The following CMPK1 variants were observed in gnomAD, a reference collection of about 807,000 sequenced individuals.
The protein encoded by CMPK1 is UMP-CMP kinase.
A neutral mutation model predicts 25.7 loss-of-function variants in CMPK1; 10 were observed. The ratio of observed to expected loss-of-function variants is 0.39; its 90% CI spans 0.24 to 0.66. The LOEUF is 0.66. Ranked by LOEUF, CMPK1 falls within the 30% of genes least tolerant of loss-of-function variation. CMPK1 has a pLI of 0.48. For missense variants in CMPK1, 199 were observed against 280.5 expected (o/e 0.71, Z 2.08); for synonymous variants, 106 against 101.5 (o/e 1.04, Z -0.27).
At chr1:47,337,288 A>C (rs1174766819) in intron 1 of CMPK1, among the ~76,000 whole-genome samples, 1 of 151,804 alleles carries the variant, frequency 6.6e-6, no homozygotes, top group African/African-American at 2.4e-5. Context: ...ATCTCAAAAA[A>C]ATAAAATAAA....
In CMPK1 at chr1:47,370,747, G is replaced by A. The variant is rs1162034565; in HGVS notation, c.318+2132G>A. On this transcript the variant is annotated intron_variant, in intron 2 of 5. Coordinates refer to ENST00000371873, the MANE Select transcript of CMPK1 (RefSeq NM_016308.3). The stretch of plus-strand genomic sequence containing the variant: ...AGGTCAGGAGTTCAAGACCAACATG[G>A]CCAACATGGTGAAACCCCATCTCTA... 2.1e-5 allele frequency among the ~76,000 whole-genome samples: 3 copies of A among 144,954 alleles called. No individual in the cohort carries two copies. In the Admixed American group the frequency reaches 2.2e-4, roughly 10 times the overall value.
At chr1:47,353,167 T>C (rs1473783971) in intron 1 of CMPK1, among the ~76,000 whole-genome samples, 1 of 152,244 alleles carries the variant, frequency 6.6e-6, no homozygotes, top group Non-Finnish European at 1.5e-5. Flanking sequence ...ATATTGTCTA[T>C]GCCATAGAAG....
chr1:47,362,435 T>G (rs1349285426), intron 1 of CMPK1, among the ~76,000 whole-genome samples: 1 of 152,076 alleles, frequency 6.6e-6, no homozygotes, highest in Non-Finnish European at 1.5e-5. Flanking sequence ...CCCAGAGTGT[T>G]GGGATCACAG....
intron 1 of CMPK1, among the ~76,000 whole-genome samples, chr1:47,367,392 A>G (rs1157004706): frequency 6.6e-6 from 1 of 152,250 alleles, no homozygotes; most frequent in Non-Finnish European, 1.5e-5. Flanking sequence ...TAAAGAATAT[A>G]TATGGCTTCT....
intron 2 of CMPK1, among the ~76,000 whole-genome samples, chr1:47,370,205 C>A (rs962256098): frequency 1.3e-5 from 2 of 151,812 alleles, no homozygotes; most frequent in Non-Finnish European, 2.9e-5. Flanking sequence ...GCGTGAGACA[C>A]CATGCCCAGC....
intron 1 of CMPK1, among the ~76,000 whole-genome samples, chr1:47,359,927 A>T (rs1209632797): frequency 6.6e-6 from 1 of 152,210 alleles, no homozygotes. Context: ...GTATTCTCTT[A>T]AGAACTGAAT....
In CMPK1 at chr1:47,376,733, CA is replaced by C; in HGVS notation, c.677del (p.Lys226ArgfsTer32). ...VFDEVVQIFD[K>X]EG The stretch of plus-strand genomic sequence containing the variant: ...TTGATGAAGTTGTGCAGATTTTTGA[CA>C]AGGAAGGCTAATTCTAAACCTGAAG... On this transcript the variant is annotated frameshift_variant, in exon 6 of 6. Transcript: ENST00000371873. LOFTEE classifies it high-confidence loss of function. The C allele has an allele frequency of 6.3e-7, 1 of 1,582,692 alleles. No homozygotes were observed. The highest frequency in any genetic ancestry group is 8.7e-7 in the Non-Finnish European group (1 of 1,153,750).
chr1:47,357,483 T>C (rs796602678), intron 1 of CMPK1, among the ~76,000 whole-genome samples: 3 of 870 alleles, frequency 3.4e-3, no homozygotes, highest in African/African-American at 3.7e-3. Flanking sequence ...TAATGGATTC[T>C]TTTTTTTTTT....
chr1:47,370,889 G>A (rs967635237), intron 2 of CMPK1, among the ~76,000 whole-genome samples: 4 of 151,900 alleles, frequency 2.6e-5, no homozygotes, highest in South Asian at 2.1e-4. Flanking sequence ...AGGCAGAGGC[G>A]GAGGTTGCAG....
chr1:47,344,149 T>C (rs919923086), intron 1 of CMPK1, among the ~76,000 whole-genome samples: 2 of 151,892 alleles, frequency 1.3e-5, no homozygotes, highest in African/African-American at 4.8e-5. Flanking sequence ...TGGTGATGAC[T>C]ACAGGATAGA....
At chr1:47,334,244 C>A in intron 1 of CMPK1, 128 bp downstream of exon 1, 1 of 937,848 alleles carries the variant, frequency 1.1e-6, no homozygotes, top group Non-Finnish European at 1.4e-6. Context: ...GGCCACCGCG[C>A]CGCCCGCGTG....
At chr1:47,359,653 T>G (rs1646588643) in intron 1 of CMPK1, among the ~76,000 whole-genome samples, 1 of 151,536 alleles carries the variant, frequency 6.6e-6, no homozygotes, top group Non-Finnish European at 1.5e-5. Flanking sequence ...CCTCCCAAAG[T>G]GCTGGGATTA....
chr1:47,337,476 T>G (rs955705706), intron 1 of CMPK1, among the ~76,000 whole-genome samples: 1 of 152,206 alleles, frequency 6.6e-6, no homozygotes, highest in Non-Finnish European at 1.5e-5. Flanking sequence ...GACCTTAAAC[T>G]GTTATCTTCT....
At position 47,334,062 on chromosome 1, in the gene CMPK1, C is replaced by A. The variant is rs1426506061; in HGVS notation, c.117C>A (p.Phe39Leu). 3.2e-6 allele frequency: 5 copies of A among 1,545,222 alleles called. No individual in the cohort carries two copies. Among genetic ancestry groups the A allele is most frequent in the Non-Finnish European group, 4.4e-6 (5 of 1,145,150 alleles). Residue 39 changes from phenylalanine (F) to leucine (L), a missense_variant, in exon 1 of 6, where the codon TTC becomes TTA. Phe to Leu is a conservative substitution (Grantham distance 22). This residue lies in a region of CMPK1 where 140 missense variants were observed against 235.5 expected (regional missense o/e 0.59). Coordinates refer to ENST00000371873, the MANE Select transcript of CMPK1 (RefSeq NM_016308.3). ...GTCTCATGAAGCCGCTGGTCGTGTT[C>A]GTCCTCGGCGGCCCCGGCGCCGGCA... is the stretch of plus-strand genomic sequence containing the variant. The part of the protein sequence containing the change: ...SPRLMKPLVV[F>L]VLGGPGAGKG...
chr1:47,360,342 C>T lies in CMPK1; in HGVS notation c.172-8127C>T, dbSNP rs190986944. 1.4e-4 allele frequency among the ~76,000 whole-genome samples: 21 copies of T among 152,194 alleles called. 1 individual carries two copies. Among genetic ancestry groups the T allele is most frequent in the African/African-American group, 5.1e-4 (21 of 41,510 alleles). ...AGAATAAAATTAAAGTGTGAAAATT[C>T]CAGTTTACGTTTCCTATAGGGTCCA... On this transcript the variant is annotated intron_variant, in intron 1 of 5. Coordinates refer to ENST00000371873, the MANE Select transcript of CMPK1 (RefSeq NM_016308.3).
chr1:47,356,964 CTTTTT>C (rs11286214), intron 1 of CMPK1, among the ~76,000 whole-genome samples: 3 of 119,288 alleles, frequency 2.5e-5, no homozygotes, highest in Non-Finnish European at 3.6e-5. Flanking sequence ...CCTGGTCTGC[CTTTTT>C]TTTTTTTTTT....
At chr1:47,365,173 T>A (rs1646630612) in intron 1 of CMPK1, among the ~76,000 whole-genome samples, 1 of 152,156 alleles carries the variant, frequency 6.6e-6, no homozygotes, top group Non-Finnish European at 1.5e-5. Context: ...TCAGTGGCAA[T>A]TTCTAATTGC....
chr1:47,371,807 T>C (rs1646679379), intron 2 of CMPK1, among the ~76,000 whole-genome samples: 1 of 152,214 alleles, frequency 6.6e-6, no homozygotes, highest in Non-Finnish European at 1.5e-5. Flanking sequence ...ACTACCTAAC[T>C]ACTAGGCCTT....
At chr1:47,365,480 A>T (rs1280503316) in intron 1 of CMPK1, among the ~76,000 whole-genome samples, 1 of 151,830 alleles carries the variant, frequency 6.6e-6, no homozygotes, top group Non-Finnish European at 1.5e-5. Context: ...CAAAAAGTAC[A>T]AAAATTAGCT....
Sources: gnomAD v4.1 joint callset for allele counts (sites outside exome capture counted in the v4.1 genomes callset) on GRCh38, gnomAD v4.1.1 for gene constraint, gnomAD v4.1.1 regional missense constraint, MANE v1.5 for transcripts, NCBI Gene and HGNC (gene_info 2026-07-23, HGNC 2026-07-21) for gene names.